Variants in PCDHA9 observed in about 807,000 individuals in gnomAD.
PCDHA9 encodes protocadherin alpha-9.
A neutral mutation model predicts 62.0 loss-of-function variants in PCDHA9; 62 were observed. The observed-to-expected ratio is 1.00, with a 90% confidence interval of 0.81 to 1.23. The LOEUF (loss-of-function observed/expected upper bound fraction) is 1.23. Ranked by LOEUF, PCDHA9 falls within the 50% of genes most tolerant of loss-of-function variation. The pLI is 0.00. For synonymous variants in PCDHA9, 557 were observed against 567.6 expected (o/e 0.98, Z 0.27); for missense variants, 1,205 against 1,249.8 (o/e 0.96, Z 0.54).
chr5:140,867,681 A>T (rs759356211), intron 1 of PCDHA9: 1 of 152,096 alleles, frequency 6.6e-6, no homozygotes, highest in African/African-American at 2.4e-5. Context: ...ATTTTGTTGC[A>T]TCTTCTTTTT....
intron 1 of PCDHA9, among the ~76,000 whole-genome samples, chr5:140,962,103 T>C (rs1401131367): frequency 1.3e-5 from 2 of 152,020 alleles, no homozygotes; most frequent in African/African-American, 4.8e-5. Flanking sequence ...GCCAGGATGG[T>C]CTCGATCTCC....
At position 141,010,950 on chromosome 5, in the gene PCDHA9, A is replaced by G. The variant is rs1278386004; in HGVS notation, c.*1013A>G. The G allele has an allele frequency of 6.5e-6, 1 of 153,760 alleles. No homozygotes were observed. Among genetic ancestry groups the G allele is most frequent in the Admixed American group, 6.5e-5 (1 of 15,284 alleles). 9.5% of individuals were successfully genotyped at this position (153,760 alleles called of 1,614,324 possible). A position where few individuals can be genotyped will look rare whatever the true frequency, so the allele number is the denominator to read the frequency against. ...TCAGTCTACAGCCATTTAAATGATC[A>G]TTGCTGCTACAGAAGTGCTTTAAGA... is the stretch of plus-strand genomic sequence containing the variant. On this transcript the variant is annotated 3_prime_UTR_variant, in exon 4 of 4. Coordinates refer to ENST00000532602, the MANE Select transcript of PCDHA9 (RefSeq NM_031857.2).
In PCDHA9 at chr5:141,009,668, G is replaced by A. The variant is rs782068657; in HGVS notation, c.2584G>A (p.Val862Ile). The change falls in exon 4 of 4, where the codon GTC becomes ATC. Residue 862 changes from valine (V) to isoleucine (I), a missense_variant. Around this residue, in one of 3 missense-constraint regions of PCDHA9, gnomAD observed 887 missense variants for 809.5 expected, o/e 1.10. Transcript: ENST00000532602. ...AGTGTCCCCTCCAGTCGGTGCGGGTGTCAACAGCAACAGCTGGACCTTTAA... is the reference window on the plus strand; with the variant it reads ...AGTGTCCCCTCCAGTCGGTGCGGGTATCAACAGCAACAGCTGGACCTTTAA... ...GEVSPPVGAG[V>I]NSNSWTFKYG... The A allele has an allele frequency of 1.2e-6, 2 of 1,614,108 alleles. No individual in the cohort carries two copies. Among genetic ancestry groups the A allele is most frequent in the Non-Finnish European group, 1.7e-6 (2 of 1,180,018 alleles).
chr5:140,865,396 A>G (rs1280770279), intron 1 of PCDHA9: 1 of 152,234 alleles, frequency 6.6e-6, no homozygotes, highest in Non-Finnish European at 1.5e-5. Context: ...GTTAATATAA[A>G]TGCTGAAAAG....
intron 1 of PCDHA9, chr5:140,882,537 TCGACCGCGAGGAGCTGTGTGGGC>T (rs1554174449): frequency 1.2e-6 from 2 of 1,614,058 alleles, no homozygotes; most frequent in African/African-American, 2.7e-5. Flanking sequence ...AATTCTCGGA[TCGACCGCGAGGAGCTGTGTGGGC>T]GGAGCGCGGA....
rs543390372 is a variant in PCDHA9 at position 140,900,669 on chromosome 5, A to G, written c.2394+49780A>G. 4.8e-4 allele frequency among the ~76,000 whole-genome samples: 73 copies of G among 152,334 alleles called. 1 individual carries two copies. The highest frequency in any genetic ancestry group is 1.5e-3 in the South Asian group (7 of 4,824). On this transcript the variant is annotated intron_variant, in intron 1 of 3. Transcript: ENST00000532602. ...CTGCTGCAATGAACAATGGGAGTGC[A>G]GTTATCTCTTCAATATACTGATTTC...
chr5:140,869,724 A>G (rs1554163381), intron 1 of PCDHA9: 1 of 1,613,416 alleles, frequency 6.2e-7, no homozygotes. Flanking sequence ...AAACTCCGGA[A>G]CTTAATTTGC....
In PCDHA9 at chr5:140,982,461, G is replaced by A. The variant is rs765899879; in HGVS notation, c.2454-14G>A. The A allele has an allele frequency of 4.7e-5, 76 of 1,614,088 alleles. No individual in the cohort carries two copies. The highest frequency in any genetic ancestry group is 5.8e-5 in the Non-Finnish European group (68 of 1,180,014). On this transcript the variant is annotated splice_polypyrimidine_tract_variant and intron_variant, in intron 2 of 3. Coordinates refer to ENST00000532602, the MANE Select transcript of PCDHA9 (RefSeq NM_031857.2). ...TATGATCTAACCGTTATCTGGGTCTGTGTGTTTATTCAGCTCTGTGCACCT... is the reference window on the plus strand; with the variant it reads ...TATGATCTAACCGTTATCTGGGTCTATGTGTTTATTCAGCTCTGTGCACCT...
At chr5:140,916,163 C>G (rs546851152) in intron 1 of PCDHA9, among the ~76,000 whole-genome samples, 1 of 152,066 alleles carries the variant, frequency 6.6e-6, no homozygotes, top group African/African-American at 2.4e-5. Context: ...TGAATGCTGC[C>G]AGGCCTGGGA....
chr5:140,978,829 T>A (rs2096825254), intron 1 of PCDHA9, 120 bp from the exon 2 acceptor site: 2 of 1,533,852 alleles, frequency 1.3e-6, no homozygotes, highest in Admixed American at 2.0e-5. Flanking sequence ...ATGAAATGGC[T>A]CATTCAATAC....
At chr5:140,929,721 ATTTACT>A (rs1474734727) in intron 1 of PCDHA9, 3 of 222,378 alleles carry the variant, frequency 1.3e-5, no homozygotes, top group African/African-American at 4.6e-5. Flanking sequence ...AAGGTGAAAC[ATTTACT>A]TAAACTATTG....
chr5:140,979,947 A>G (rs781881758), intron 2 of PCDHA9, among the ~76,000 whole-genome samples: 4 of 152,258 alleles, frequency 2.6e-5, no homozygotes, highest in African/African-American at 4.8e-5. Context: ...AGTTAATGTG[A>G]AATTAGTTTT....
intron 1 of PCDHA9, chr5:140,875,367 T>G: frequency 6.9e-7 from 1 of 1,449,166 alleles, no homozygotes; most frequent in Non-Finnish European, 9.1e-7. Flanking sequence ...CTGGAAAAAA[T>G]TTACTAAATA....
chr5:140,955,832 G>A (rs2095230258), intron 1 of PCDHA9, among the ~76,000 whole-genome samples: 1 of 152,132 alleles, frequency 6.6e-6, no homozygotes, highest in South Asian at 2.1e-4. Flanking sequence ...TTGAGCAGTG[G>A]TTTGTCATTC....
At chr5:140,923,217 ATCGTTTGAG>A (rs2081234922) in intron 1 of PCDHA9, among the ~76,000 whole-genome samples, 1 of 135,418 alleles carries the variant, frequency 7.4e-6, no homozygotes, top group Admixed American at 7.5e-5. Flanking sequence ...AGGTGAAAGG[ATCGTTTGAG>A]CCCAGAAGTT....
rs535981750 is a variant in PCDHA9 at position 140,934,094 on chromosome 5, GCTTT to G, written c.2395-44852_2395-44849del. Among the ~76,000 whole-genome samples, 58 of 151,890 alleles carry G rather than the reference GCTTT, an allele frequency of 3.8e-4. 1 individual carries two copies. The highest frequency in any genetic ancestry group is 6.8e-3 in the Middle Eastern group (2 of 292). ...TTTGGGTTCGCTTTGTTGTATGTTT[GCTTT>G]CTATTTTATTAATTTTCATACTTTA... On this transcript the variant is annotated intron_variant, in intron 1 of 3. Transcript: ENST00000532602.
chr5:140,990,136 A>C (rs996616541), intron 3 of PCDHA9, among the ~76,000 whole-genome samples: 1 of 152,198 alleles, frequency 6.6e-6, no homozygotes, highest in African/African-American at 2.4e-5. Context: ...GTCAGACTCA[A>C]GAGGCATAAT....
At chr5:140,995,592 A>G (rs2097690478) in intron 3 of PCDHA9, among the ~76,000 whole-genome samples, 1 of 152,212 alleles carries the variant, frequency 6.6e-6, no homozygotes, top group East Asian at 1.9e-4. Context: ...CTTTTAACTT[A>G]GTGTTTTTCT....
chr5:140,962,554 C>T lies in PCDHA9; in HGVS notation c.2395-16395C>T, dbSNP rs567554880. ...TTAGAACTAAAAATGTAGAGGATCTCCCCCTAAAAGCCAATTGTTAATGCC... is the reference window on the plus strand; with the variant it reads ...TTAGAACTAAAAATGTAGAGGATCTTCCCCTAAAAGCCAATTGTTAATGCC... On this transcript the variant is annotated intron_variant, in intron 1 of 3. Transcript: ENST00000532602. 3.9e-5 allele frequency among the ~76,000 whole-genome samples: 6 copies of T among 152,284 alleles called. No individual in the cohort carries two copies. The South Asian group carries it at 1.2e-3, about 32-fold the overall frequency.
Sources: gnomAD v4.1 joint callset for allele counts (sites outside exome capture counted in the v4.1 genomes callset) on GRCh38, gnomAD v4.1.1 for gene constraint, gnomAD v4.1.1 regional missense constraint, MANE v1.5 for transcripts, NCBI Gene and HGNC (gene_info 2026-07-23, HGNC 2026-07-21) for gene names.